DMD: variants seen among roughly 807,000 people sequenced by gnomAD.
DMD encodes the protein mutant dystrophin.
A neutral mutation model predicts 330.1 loss-of-function variants in DMD; 63 were observed. The ratio of observed to expected loss-of-function variants is 0.19; its 90% CI spans 0.16 to 0.24. DMD has a LOEUF of 0.24. Ranked by LOEUF, DMD falls within the 10% of genes least tolerant of loss-of-function variation. DMD has a pLI of 1.00. For synonymous variants in DMD, 1,223 were observed against 959.8 expected, an observed-to-expected ratio of 1.27 and a Z score of -5.07; for missense variants, 3,344 against 2,684.1, an observed-to-expected ratio of 1.25 and a Z score of -5.43.
At chrX:31,350,609 G>A (rs1231830815) in intron 60 of DMD, among the ~76,000 whole-genome samples, 1 of 46,958 alleles carries the variant, frequency 2.1e-5, no homozygotes, top group Admixed American at 2.0e-4. Flanking sequence ...GTGTGTGTGT[G>A]TGTGTGTGTG....
In DMD at chrX:31,482,026, C is replaced by T. The variant is rs185824224; in HGVS notation, c.8548-2923G>A. 4.5e-5 allele frequency among the ~76,000 whole-genome samples: 5 copies of T among 110,613 alleles called. No individual in the cohort carries two copies. In the East Asian group the frequency reaches 1.4e-3, roughly 32 times the overall value. On this transcript the variant is annotated intron_variant, in intron 57 of 78. Transcript: ENST00000357033. ...CCTAGTCTCCCACTTATGGAGTACCCAGCCACTCAAGTAGGAAAATGTTTC... is the reference window on the plus strand; with the variant it reads ...CCTAGTCTCCCACTTATGGAGTACCTAGCCACTCAAGTAGGAAAATGTTTC...
chrX:32,529,674 G>A (rs933550941), intron 17 of DMD, among the ~76,000 whole-genome samples: 3 of 110,730 alleles, frequency 2.7e-5, no homozygotes, highest in African/African-American at 9.9e-5. Flanking sequence ...TACAAAAACT[G>A]AGATCAGCTT....
chrX:32,698,221 A>G (rs763985631), intron 8 of DMD, among the ~76,000 whole-genome samples: 2 of 111,736 alleles, frequency 1.8e-5, no homozygotes, highest in Non-Finnish European at 3.8e-5. Context: ...GGAAGATATG[A>G]GCATGCTATT....
chrX:31,592,489 A>G lies in DMD; in HGVS notation c.8217+35184T>C, dbSNP rs1239770305. Among the ~76,000 whole-genome samples, 7 of 105,791 alleles carry G rather than the reference A, an allele frequency of 6.6e-5. No homozygotes were observed. In the Admixed American group the frequency reaches 7.5e-4, roughly 11 times the overall value. 91.9% of individuals were successfully genotyped at this position (105,791 alleles called of 115,157 possible). On this transcript the variant is annotated intron_variant, in intron 55 of 78. Transcript: ENST00000357033. ...CCAAGTCAATTTTTAATTAGAGACA[A>G]TTTATAAGTAAAAATTGACCTTGAA...
At position 32,938,333 on chromosome X, in the gene DMD, G is replaced by T. The variant is rs181218616; in HGVS notation, c.93+81806C>A. ...ATATGAGCAGTTCATAAAATAACCT[G>T]TGATAGTCCAGATTACTTGCATATT... On this transcript the variant is annotated intron_variant, in intron 2 of 78. Transcript: ENST00000357033. Among the ~76,000 whole-genome samples the T allele has an allele frequency of 2.7e-5, 3 of 111,860 alleles. No individual in the cohort carries two copies. In the East Asian group the frequency reaches 8.4e-4, roughly 31 times the overall value.
intron 47 of DMD, among the ~76,000 whole-genome samples, chrX:31,895,863 G>T (rs1488382702): frequency 9.0e-6 from 1 of 111,661 alleles, no homozygotes; most frequent in East Asian, 2.8e-4. Flanking sequence ...ATTTTTCTTG[G>T]ATTTCCCCTT....
At chrX:31,372,242 A>G (rs992242857) in intron 60 of DMD, among the ~76,000 whole-genome samples, 1 of 112,223 alleles carries the variant, frequency 8.9e-6, no homozygotes, top group Non-Finnish European at 1.9e-5. Flanking sequence ...TTGCAAGATT[A>G]ACTTGACAGC....
intron 44 of DMD, among the ~76,000 whole-genome samples, chrX:32,054,852 G>A (rs1230747641): frequency 1.2e-5 from 1 of 85,781 alleles, no homozygotes; most frequent in Non-Finnish European, 2.3e-5. Context: ...GGGAAGGGAA[G>A]GAGAGGGGAG....
chrX:32,263,989 A>G (rs1238618933), intron 43 of DMD, among the ~76,000 whole-genome samples: 1 of 112,061 alleles, frequency 8.9e-6, no homozygotes, highest in Non-Finnish European at 1.9e-5. Flanking sequence ...AATTTCTTCA[A>G]TGTAGAAAAA....
At chrX:31,475,266 T>C (rs1329227103) in intron 59 of DMD, among the ~76,000 whole-genome samples, 1 of 112,088 alleles carries the variant, frequency 8.9e-6, no homozygotes, top group Non-Finnish European at 1.9e-5. Context: ...AATCAGGGTA[T>C]GGAAAATGAA....
In DMD at chrX:31,797,053, A is replaced by T. The variant is rs541354882; in HGVS notation, c.7310-22861T>A. ...ACCTTCCATTCTTTATAAATTGCCC[A>T]GTCTCTGGCATTCCTTTATAGCAAC... On this transcript the variant is annotated intron_variant, in intron 50 of 78. Coordinates refer to ENST00000357033, the MANE Select transcript of DMD (RefSeq NM_004006.3). Among the ~76,000 whole-genome samples the T allele has an allele frequency of 3.6e-5, 4 of 111,899 alleles. No homozygotes were observed. In the South Asian group the frequency reaches 1.5e-3, roughly 42 times the overall value.
rs748960678 is a variant in DMD, at chrX:32,342,179, G to A, written c.5843C>T (p.Thr1948Ile). The A allele has an allele frequency of 1.7e-6, 2 of 1,210,852 alleles. No individual in the cohort carries two copies. Among genetic ancestry groups the A allele is most frequent in the Non-Finnish European group, 2.2e-6 (2 of 894,821 alleles). ...EDGAAMAVEPTQIQLSKRWRE... is the reference protein window; with the variant it reads ...EDGAAMAVEPIQIQLSKRWRE... ...CCAGCGCTTGCTGAGCTGGATCTGA[G>A]TTGGCTCCACTGCCATTGCGGCCCC... is the stretch of plus-strand genomic sequence containing the variant. The change falls in exon 41 of 79, where the codon ACT becomes ATT. Residue 1948 changes from threonine to isoleucine, a missense_variant. Transcript: ENST00000357033.
intron 44 of DMD, among the ~76,000 whole-genome samples, chrX:32,037,431 G>A (rs777294733): frequency 1.8e-5 from 2 of 111,986 alleles, no homozygotes; most frequent in East Asian, 5.6e-4. Context: ...GCATTTATTT[G>A]TTCAAATGTT....
At chrX:33,335,294 A>G (rs1412667047) in intron 1 of DMD, among the ~76,000 whole-genome samples, 2 of 108,665 alleles carry the variant, frequency 1.8e-5, no homozygotes, top group Non-Finnish European at 3.8e-5. Context: ...ACACCATTAT[A>G]TCATATATAT....
intron 1 of DMD, among the ~76,000 whole-genome samples, chrX:33,238,728 C>G (rs2052530923): frequency 9.0e-6 from 1 of 111,297 alleles, no homozygotes; most frequent in African/African-American, 3.3e-5. Flanking sequence ...TTTTAAAGTC[C>G]TGTGACGTTA....
chrX:33,202,658 T>C (rs1035525298), intron 1 of DMD, among the ~76,000 whole-genome samples: 3 of 112,020 alleles, frequency 2.7e-5, no homozygotes, highest in African/African-American at 9.7e-5. Context: ...CTAATTCACA[T>C]CTCTGTATGT....
intron 7 of DMD, among the ~76,000 whole-genome samples, chrX:32,758,708 G>C (rs901570433): frequency 9.0e-6 from 1 of 110,672 alleles, no homozygotes; most frequent in Non-Finnish European, 1.9e-5. Context: ...TCAAGATTAC[G>C]AGATAACAAA....
chrX:33,294,372 A>C (rs890689925), intron 1 of DMD, among the ~76,000 whole-genome samples: 3 of 111,314 alleles, frequency 2.7e-5, no homozygotes, highest in African/African-American at 9.8e-5. Flanking sequence ...CAAAATGTTC[A>C]TGTTTATATT....
rs1343163306 is a variant in DMD, at chrX:32,699,245, G to A, written c.698C>T (p.Thr233Ile). 2.5e-6 allele frequency: 3 copies of A among 1,207,845 alleles called. No homozygotes were observed. Among genetic ancestry groups the A allele is most frequent in the Non-Finnish European group, 3.4e-6 (3 of 893,372 alleles). Reference sequence around the variant, plus strand: ...TTGAGGCAAAACTTGGAAGAGTGATGTGATGTACATTAAGATGGACTTCTT... The same window carrying A: ...TTGAGGCAAAACTTGGAAGAGTGATATGATGTACATTAAGATGGACTTCTT... The part of the protein sequence containing the change: ...PDKKSILMYI[T>I]SLFQVLPQQV... Residue 233 changes from threonine to isoleucine, a missense_variant, in exon 8 of 79, where the codon ACA (threonine) becomes ATA (isoleucine). Thr to Ile is a moderately conservative substitution (Grantham distance 89, BLOSUM62 -1). Transcript: ENST00000357033.
Sources: gnomAD v4.1 joint callset for allele counts (sites outside exome capture counted in the v4.1 genomes callset) on GRCh38, gnomAD v4.1.1 for gene constraint, MANE v1.5 for transcripts, NCBI Gene and HGNC (gene_info 2026-07-23, HGNC 2026-07-21) for gene names.